Variants in GPALPP1 observed in about 807,000 individuals in gnomAD.
GPALPP1 encodes the protein GPALPP motifs-containing protein 1.
GPALPP1 carries 30 observed loss-of-function variants against 38.9 expected under a neutral mutation model. The ratio of observed to expected loss-of-function variants is 0.77; its 90% CI spans 0.58 to 1.05. The LOEUF is 1.05. Among genes scored for constraint, GPALPP1 ranks in the 50% least tolerant of loss-of-function variants. The probability of loss-of-function intolerance (pLI) is 0.00; values close to 1 mark genes in which losing one functional copy is unlikely to be tolerated. For missense variants in GPALPP1, 384 were observed against 408.8 expected, an observed-to-expected ratio of 0.94 and a Z score of 0.52; for synonymous variants, 120 against 139.2, an observed-to-expected ratio of 0.86 and a Z score of 0.97.
chr13:44,995,132 G>A (rs1438684857), intron 1 of GPALPP1, among the ~76,000 whole-genome samples: 5 of 145,394 alleles, frequency 3.4e-5, no homozygotes, highest in East Asian at 4.1e-4. Context: ...GATTACAGGC[G>A]TGAGCCACTG....
chr13:45,017,630 T>C (rs1874969916), intron 6 of GPALPP1, among the ~76,000 whole-genome samples: 1 of 152,216 alleles, frequency 6.6e-6, no homozygotes, highest in Admixed American at 6.5e-5. Context: ...TGGAGATGAA[T>C]AGATGTCTAG....
chr13:45,014,897 T>G, intron 4 of GPALPP1, 55 bp from the exon 5 acceptor site: 2 of 1,372,818 alleles, frequency 1.5e-6, no homozygotes, highest in Non-Finnish European at 2.0e-6. Flanking sequence ...TTAGAATTAT[T>G]TTTTATAACC....
rs1222676404 is a variant in GPALPP1 at position 45,028,512 on chromosome 13, CCAACA to C, written c.*511_*515del. The stretch of plus-strand genomic sequence containing the variant: ...GGTGCAGTGGCTCACGCCTGTAATC[CCAACA>C]CTTTGGGAGGCCAATGTGAGAGGAT... On this transcript the variant is annotated 3_prime_UTR_variant, in exon 8 of 8. Coordinates refer to ENST00000379151, the MANE Select transcript of GPALPP1 (RefSeq NM_018559.5). The C allele has an allele frequency of 2.0e-5, 3 of 153,324 alleles. No homozygotes were observed. The highest frequency in any genetic ancestry group is 4.3e-5 in the Non-Finnish European group (3 of 69,040). The allele number at this position is 153,324 out of a possible 1,614,324, so 9.5% of individuals were successfully genotyped here.
rs556036149 is a variant in GPALPP1, at chr13:44,989,554, G to A, written c.-101G>A. 117 of 1,499,172 alleles carry A rather than the reference G, an allele frequency of 7.8e-5. 2 individuals are homozygous for A. The South Asian group carries it at 1.2e-3, about 15-fold the overall frequency. 92.9% of individuals were successfully genotyped at this position (1,499,172 alleles called of 1,614,324 possible). A position where few individuals can be genotyped will look rare whatever the true frequency, so the allele number is the denominator to read the frequency against. On this transcript the variant is annotated 5_prime_UTR_variant, in exon 1 of 8. Coordinates refer to ENST00000379151, the MANE Select transcript of GPALPP1 (RefSeq NM_018559.5). ...AGGCTTTACGTCATTTCTCGGCGCCGGGAAACCTGCCATTCTTCGCTGCTG... is the reference window on the plus strand; with the variant it reads ...AGGCTTTACGTCATTTCTCGGCGCCAGGAAACCTGCCATTCTTCGCTGCTG...
At chr13:44,999,281 A>G (rs956714596) in intron 1 of GPALPP1, among the ~76,000 whole-genome samples, 4 of 152,148 alleles carry the variant, frequency 2.6e-5, no homozygotes, top group Non-Finnish European at 4.4e-5. Flanking sequence ...TTTTATATGC[A>G]TATCACAATT....
At position 45,028,097 on chromosome 13, in the gene GPALPP1, T is replaced by A. The variant is rs1048767093; in HGVS notation, c.*94T>A. The A allele has an allele frequency of 6.3e-6, 4 of 633,780 alleles. No individual in the cohort carries two copies. The highest frequency in any genetic ancestry group is 1.1e-5 in the Non-Finnish European group (4 of 368,734). The allele number at this position is 633,780 out of a possible 1,614,324, so 39.3% of individuals were successfully genotyped here. On this transcript the variant is annotated 3_prime_UTR_variant, in exon 8 of 8. Coordinates refer to ENST00000379151, the MANE Select transcript of GPALPP1 (RefSeq NM_018559.5). ...TTTAATAATTGTGCTGAAATCTATT[T>A]CCTTTTATAATAGATTAAAAATTTT...
intron 6 of GPALPP1, among the ~76,000 whole-genome samples, chr13:45,016,926 G>A (rs533834463): frequency 5.9e-5 from 9 of 151,306 alleles, no homozygotes; most frequent in Middle Eastern, 3.4e-3. Context: ...GCCGCTGTGC[G>A]CAGCCTCTCT....
At chr13:45,023,637 C>G (rs954574973) in intron 7 of GPALPP1, among the ~76,000 whole-genome samples, 1 of 152,178 alleles carries the variant, frequency 6.6e-6, no homozygotes, top group Non-Finnish European at 1.5e-5. Flanking sequence ...AAACTTTGTT[C>G]TCTATTTTCT....
downstream of GPALPP1, chr13:45,034,482 A>G (rs1876334611): frequency 6.6e-6 from 1 of 152,134 alleles, no homozygotes; most frequent in Non-Finnish European, 1.5e-5. Flanking sequence ...GCTGAAACCT[A>G]AAAAAATGAA....
At chr13:45,006,078 G>A in intron 2 of GPALPP1, 124 bp from the exon 3 acceptor site, 1 of 580,696 alleles carries the variant, frequency 1.7e-6, no homozygotes. Flanking sequence ...TTATTTGGCA[G>A]GATTAATTTA....
At chr13:45,005,162 G>A (rs1195401327) in intron 2 of GPALPP1, 2 of 117,998 alleles carry the variant, frequency 1.7e-5, no homozygotes, top group East Asian at 5.8e-4. Context: ...CCGGTGGCAC[G>A]ATCTCAGCTC....
At chr13:45,008,233 G>GT (rs1347385673) in intron 3 of GPALPP1, among the ~76,000 whole-genome samples, 4 of 152,184 alleles carry the variant, frequency 2.6e-5, no homozygotes, top group African/African-American at 9.7e-5. Context: ...TTCTTCTACA[G>GT]TTCCACATCA....
Position 45,020,342 on chromosome 13 carries a change from G to T in GPALPP1, c.718G>T (p.Ala240Ser). Reference sequence around the variant, plus strand: ...GTTCATTCCTCAGGAAACACAAGAAGCAAGGAAGTCATCCAGTAAGAAAGA... The same window carrying T: ...GTTCATTCCTCAGGAAACACAAGAATCAAGGAAGTCATCCAGTAAGAAAGA... The part of the protein sequence containing the change: ...RERKAKETQE[A>S]RKSSSKKDEE... The change falls in exon 7 of 8, where the codon GCA becomes TCA. Residue 240 changes from alanine to serine, a missense_variant. Ala to Ser is a moderately conservative substitution (Grantham distance 99). Transcript: ENST00000379151. 2.8e-6 allele frequency: 4 copies of T among 1,446,518 alleles called. No individual in the cohort carries two copies. The highest frequency in any genetic ancestry group is 3.9e-6 in the Non-Finnish European group (4 of 1,028,480). The allele number at this position is 1,446,518 out of a possible 1,614,324, so 89.6% of individuals were successfully genotyped here.
chr13:45,010,060 C>T (rs1477774572), intron 4 of GPALPP1, among the ~76,000 whole-genome samples: 2 of 152,184 alleles, frequency 1.3e-5, no homozygotes, highest in African/African-American at 4.8e-5. Flanking sequence ...ATTACTCCTC[C>T]TCTCCCTAAG....
At chr13:44,999,544 G>T (rs1048188611) in intron 1 of GPALPP1, among the ~76,000 whole-genome samples, 6 of 152,120 alleles carry the variant, frequency 3.9e-5, no homozygotes, top group African/African-American at 1.4e-4. Flanking sequence ...TTATTAGGGG[G>T]TCTGTATTGT....
At chr13:45,022,161 A>G (rs1167388387) in intron 7 of GPALPP1, among the ~76,000 whole-genome samples, 2 of 152,224 alleles carry the variant, frequency 1.3e-5, no homozygotes, top group Admixed American at 6.5e-5. Flanking sequence ...ATGAATCTCA[A>G]AAGTCATACT....
At chr13:45,007,712 G>T (rs969531689) in intron 3 of GPALPP1, among the ~76,000 whole-genome samples, 4 of 152,138 alleles carry the variant, frequency 2.6e-5, no homozygotes, top group Admixed American at 2.6e-4. Context: ...CTGCCAGGAT[G>T]CCTGTCTGTG....
chr13:44,989,582 C>A lies in GPALPP1; in HGVS notation c.-73C>A. The A allele has an allele frequency of 1.3e-6, 2 of 1,498,948 alleles. No homozygotes were observed. The highest frequency in any genetic ancestry group is 9.2e-7 in the Non-Finnish European group (1 of 1,081,650). The allele number at this position is 1,498,948 out of a possible 1,614,324, so 92.9% of individuals were successfully genotyped here. A position where few individuals can be genotyped will look rare whatever the true frequency, so the allele number is the denominator to read the frequency against. On this transcript the variant is annotated 5_prime_UTR_variant, in exon 1 of 8. Coordinates refer to ENST00000379151, the MANE Select transcript of GPALPP1 (RefSeq NM_018559.5). ...AAACCTGCCATTCTTCGCTGCTGAT[C>A]GCGGGATTCTTTTTGGATAGGGTTG...
intron 7 of GPALPP1, among the ~76,000 whole-genome samples, chr13:45,021,480 A>G (rs1875424897): frequency 6.6e-6 from 1 of 152,140 alleles, no homozygotes; most frequent in African/African-American, 2.4e-5. Context: ...GTTTGGATTC[A>G]GAATAACTTA....
Sources: gnomAD v4.1 joint callset for allele counts (sites outside exome capture counted in the v4.1 genomes callset) on GRCh38, gnomAD v4.1.1 for gene constraint, MANE v1.5 for transcripts, NCBI Gene and HGNC (gene_info 2026-07-23, HGNC 2026-07-21) for gene names.